The following SYNPO2 variants were observed in gnomAD, a reference collection of about 807,000 sequenced individuals.
The protein encoded by SYNPO2 is synaptopodin 2, also known as synaptopodin-2.
SYNPO2 carries 56 observed loss-of-function variants against 85.0 expected under a neutral mutation model. That is an observed-to-expected ratio of 0.66 (90% confidence interval 0.53 to 0.82). SYNPO2 has a LOEUF of 0.82. SYNPO2 is among the 40% of genes least tolerant of loss of function. The pLI is 0.00. For synonymous variants in SYNPO2, 602 were observed against 591.1 expected, an observed-to-expected ratio of 1.02 and a Z score of -0.27; for missense variants, 1,575 against 1,534.2, an observed-to-expected ratio of 1.03 and a Z score of -0.44.
At chr4:118,909,518 T>C (rs1312914516) in intron 1 of SYNPO2, among the ~76,000 whole-genome samples, 4 of 152,198 alleles carry the variant, frequency 2.6e-5, no homozygotes, top group Non-Finnish European at 5.9e-5. Context: ...CTCAGGACAC[T>C]AATTGTGCCA....
intron 1 of SYNPO2, among the ~76,000 whole-genome samples, chr4:118,970,554 C>A (rs1735501459): frequency 6.6e-6 from 1 of 152,166 alleles, no homozygotes; most frequent in Non-Finnish European, 1.5e-5. Context: ...TTTACCTTAA[C>A]CACCCCACAT....
Position 119,057,811 on chromosome 4 carries a change from T to C in SYNPO2, c.3663T>C (p.Tyr1221=), listed in dbSNP as rs1436646064. The change falls in exon 5 of 5, where the codon TAT becomes TAC. Residue 1221 remains tyrosine, a synonymous_variant. Transcript: ENST00000307142. ...ATGGTTCACAGTTGCCATATGCATA[T>C]TATAGGCAGGCTTCAAGAAATGATT... ...SQYGSQLPYA[Y]YRQASRNDSA... The C allele has an allele frequency of 6.2e-7, 1 of 1,614,036 alleles. No homozygotes were observed. The highest frequency in any genetic ancestry group is 8.5e-7 in the Non-Finnish European group (1 of 1,179,994).
At chr4:118,978,480 C>G (rs1015247835) in intron 1 of SYNPO2, among the ~76,000 whole-genome samples, 1 of 152,098 alleles carries the variant, frequency 6.6e-6, no homozygotes, top group Admixed American at 6.6e-5. Flanking sequence ...AAACCATTTG[C>G]AGGGAAACTT....
chr4:118,891,784 G>A (rs1325251374), intron 1 of SYNPO2, among the ~76,000 whole-genome samples: 1 of 152,150 alleles, frequency 6.6e-6, no homozygotes, highest in Admixed American at 6.6e-5. Context: ...CAAATCAAAT[G>A]TTCACAGTTT....
intron 4 of SYNPO2, chr4:119,034,290 C>T: frequency 1.0e-6 from 1 of 984,980 alleles, no homozygotes; most frequent in South Asian, 4.7e-5. Context: ...ACATGGAACA[C>T]ACAGGTAGTC....
At chr4:119,013,607 G>C (rs1189039134) in intron 1 of SYNPO2, among the ~76,000 whole-genome samples, 1 of 152,176 alleles carries the variant, frequency 6.6e-6, no homozygotes, top group Middle Eastern at 3.2e-3. Flanking sequence ...GAACTTTCAA[G>C]GGAAAACTAA....
At chr4:118,932,460 C>G (rs1733963787) in intron 1 of SYNPO2, among the ~76,000 whole-genome samples, 1 of 152,156 alleles carries the variant, frequency 6.6e-6, no homozygotes, top group South Asian at 2.1e-4. Context: ...AAGTAAGCAT[C>G]TTGAAATAAT....
At chr4:118,902,888 G>C (rs374706465) in intron 1 of SYNPO2, among the ~76,000 whole-genome samples, 1 of 152,040 alleles carries the variant, frequency 6.6e-6, no homozygotes. Context: ...CTAGAGCAAA[G>C]AAGAGTTTTG....
intron 1 of SYNPO2, among the ~76,000 whole-genome samples, chr4:119,018,805 A>G (rs1186112013): frequency 6.6e-6 from 1 of 152,216 alleles, no homozygotes; most frequent in African/African-American, 2.4e-5. Context: ...AAAAGAGTGC[A>G]ATTGAAATGT....
At chr4:118,980,371 C>G (rs1263560964) in intron 1 of SYNPO2, among the ~76,000 whole-genome samples, 1 of 152,110 alleles carries the variant, frequency 6.6e-6, no homozygotes, top group Non-Finnish European at 1.5e-5. Context: ...TTCTAGCTGG[C>G]TTTTCTGGTA....
intron 1 of SYNPO2, among the ~76,000 whole-genome samples, chr4:118,984,481 A>C (rs1034737958): frequency 9.5e-4 from 144 of 152,314 alleles, no homozygotes; most frequent in African/African-American, 3.2e-3. Flanking sequence ...TGACCCTTCT[A>C]CTTTTCCCTT....
chr4:118,936,395 T>C (rs1734103486), intron 1 of SYNPO2, among the ~76,000 whole-genome samples: 1 of 152,218 alleles, frequency 6.6e-6, no homozygotes, highest in African/African-American at 2.4e-5. Flanking sequence ...CTTGAACTCC[T>C]GGGCTCCAGT....
At chr4:118,873,120 T>A (rs1731834094) in intron 1 of SYNPO2, among the ~76,000 whole-genome samples, 1 of 152,218 alleles carries the variant, frequency 6.6e-6, no homozygotes. Context: ...TTAGGTTGAT[T>A]CTATACGCTT....
rs1230974697 is a variant in SYNPO2 at position 119,027,213 on chromosome 4, CCCCGGGTGGAAGTGAT to C, written c.847_862del (p.Arg283SerfsTer82). On this transcript the variant is annotated frameshift_variant, in exon 3 of 5. Transcript: ENST00000307142. LOFTEE classifies it high-confidence loss of function. ...AAGTGAAGCAGGAGATGCGGGACTG[CCCCGGGTGGAAGTGAT>C]CCTCGACTGCTCTGACAGGCAGAAG... 1 of 1,613,956 alleles carries C rather than the reference CCCCGGGTGGAAGTGAT, an allele frequency of 6.2e-7. No individual in the cohort carries two copies. Among genetic ancestry groups the C allele is most frequent in the East Asian group, 2.2e-5 (1 of 44,880 alleles).
intron 4 of SYNPO2, chr4:119,033,312 C>T: frequency 1.0e-6 from 1 of 985,414 alleles, no homozygotes; most frequent in Non-Finnish European, 1.2e-6. Context: ...TCTATTCTCT[C>T]ACCTTCACTT....
chr4:118,946,577 G>A (rs1235049544), intron 1 of SYNPO2, among the ~76,000 whole-genome samples: 1 of 152,150 alleles, frequency 6.6e-6, no homozygotes, highest in African/African-American at 2.4e-5. Flanking sequence ...CCTACACATC[G>A]TTCGCTCGTT....
At chr4:118,856,975 A>G (rs1731518298) in intron 1 of SYNPO2, among the ~76,000 whole-genome samples, 1 of 152,152 alleles carries the variant, frequency 6.6e-6, no homozygotes, top group South Asian at 2.1e-4. Flanking sequence ...CATCAATAAA[A>G]GCTCTTTATT....
intron 1 of SYNPO2, among the ~76,000 whole-genome samples, chr4:118,920,525 T>G (rs1386494942): frequency 1.3e-5 from 2 of 152,156 alleles, no homozygotes; most frequent in African/African-American, 4.8e-5. Flanking sequence ...CAGATACTTG[T>G]TCTGTCTTGG....
intron 1 of SYNPO2, among the ~76,000 whole-genome samples, chr4:118,915,226 TC>T (rs1733275441): frequency 2.0e-5 from 3 of 151,970 alleles, no homozygotes. Flanking sequence ...TAATACCAAC[TC>T]CCCAAACAAA....
Sources: gnomAD v4.1 joint callset for allele counts (sites outside exome capture counted in the v4.1 genomes callset) on GRCh38, gnomAD v4.1.1 for gene constraint, MANE v1.5 for transcripts, NCBI Gene and HGNC (gene_info 2026-07-23, HGNC 2026-07-21) for gene names.